NLGN4X: variants seen among roughly 807,000 people sequenced by gnomAD.
The protein encoded by NLGN4X is neuroligin 4 X-linked, also known as neuroligin-4, X-linked.
A neutral mutation model predicts 40.3 loss-of-function variants in NLGN4X; 3 were observed. The ratio of observed to expected loss-of-function variants is 0.07; its 90% CI spans 0.03 to 0.19. The LOEUF (loss-of-function observed/expected upper bound fraction) is 0.19. NLGN4X is among the 10% of genes least tolerant of loss of function. The pLI is 1.00. For synonymous variants in NLGN4X, 270 were observed against 306.8 expected (o/e 0.88, Z 1.25); for missense variants, 382 against 708.3 (o/e 0.54, Z 5.23).
At chrX:5,976,845 T>A (rs192400036) in intron 3 of NLGN4X, among the ~76,000 whole-genome samples, 162 of 113,102 alleles carry the variant, frequency 1.4e-3, no homozygotes, top group Non-Finnish European at 2.5e-3. Context: ...GTTCACATTG[T>A]GCGTACTTCT....
intron 1 of NLGN4X, among the ~76,000 whole-genome samples, chrX:6,181,910 G>C (rs764129770): frequency 1.8e-5 from 2 of 111,997 alleles, no homozygotes; most frequent in African/African-American, 6.5e-5. Flanking sequence ...AGAGAGGAAA[G>C]AGGGTTATCA....
At chrX:5,953,677 A>G (rs1392537088) in intron 3 of NLGN4X, among the ~76,000 whole-genome samples, 1 of 112,347 alleles carries the variant, frequency 8.9e-6, no homozygotes, top group East Asian at 2.8e-4. Context: ...ATTCAAAATC[A>G]AGAGCCTTCT....
chrX:6,200,751 A>G (rs1384769473), intron 1 of NLGN4X, among the ~76,000 whole-genome samples: 1 of 92,155 alleles, frequency 1.1e-5, no homozygotes, highest in East Asian at 3.3e-4. Context: ...CAATGGTGCA[A>G]TCCTAGCTCA....
intron 3 of NLGN4X, among the ~76,000 whole-genome samples, chrX:5,948,927 G>A (rs926531631): frequency 3.6e-5 from 4 of 111,664 alleles, no homozygotes; most frequent in Non-Finnish European, 7.5e-5. Context: ...CTCACATGGC[G>A]GTACTAATGG....
intron 3 of NLGN4X, among the ~76,000 whole-genome samples, chrX:5,920,562 AG>A (rs1456647928): frequency 1.8e-5 from 2 of 111,805 alleles, no homozygotes; most frequent in African/African-American, 6.5e-5. Context: ...AGGGTGCTTC[AG>A]GCTTTGGTGT....
At chrX:6,215,872 C>CAA (rs1450017601) in intron 1 of NLGN4X, among the ~76,000 whole-genome samples, 3 of 83,110 alleles carry the variant, frequency 3.6e-5, no homozygotes, top group African/African-American at 1.6e-4. Flanking sequence ...AGTAAATACT[C>CAA]AAACACTTTT....
intron 3 of NLGN4X, among the ~76,000 whole-genome samples, chrX:5,988,939 G>A (rs1335055443): frequency 1.4e-4 from 15 of 110,400 alleles, no homozygotes; most frequent in Non-Finnish European, 2.3e-4. Context: ...GTGGTGGCAC[G>A]TGCCTGTATT....
intron 2 of NLGN4X, among the ~76,000 whole-genome samples, chrX:6,071,954 C>T (rs1056408146): frequency 7.2e-5 from 8 of 110,925 alleles, no homozygotes; most frequent in Non-Finnish European, 1.5e-4. Context: ...CCCAGCCTGT[C>T]AGAGTGTGCA....
At chrX:5,961,116 C>A (rs779981588) in intron 3 of NLGN4X, among the ~76,000 whole-genome samples, 2 of 111,435 alleles carry the variant, frequency 1.8e-5, no homozygotes, top group South Asian at 7.5e-4. Context: ...CAAGCTCCGC[C>A]TTCCCGGGTT....
At chrX:6,128,237 T>C (rs1210399055) in intron 2 of NLGN4X, among the ~76,000 whole-genome samples, 1 of 111,723 alleles carries the variant, frequency 9.0e-6, no homozygotes, top group Non-Finnish European at 1.9e-5. Context: ...CACACACCCC[T>C]GGCAACATCT....
chrX:5,925,881 CATATATATATATAT>C (rs55860509), intron 3 of NLGN4X, among the ~76,000 whole-genome samples: 36 of 19,505 alleles, frequency 1.8e-3, no homozygotes, highest in South Asian at 5.2e-3. Context: ...TACATACACA[CATATATATATATAT>C]ATATATATAT....
rs1438629665 is a variant in NLGN4X, at chrX:5,891,774, G to C, written c.*1043C>G. On this transcript the variant is annotated 3_prime_UTR_variant, in exon 6 of 6. Coordinates refer to ENST00000381095, the MANE Select transcript of NLGN4X (RefSeq NM_181332.3). The stretch of plus-strand genomic sequence containing the variant: ...CACTCCACTTTGGGGACCCATCTCT[G>C]TACTGCAATTTCATGAAGGCTAACA... 1 of 159,330 alleles carries C rather than the reference G, an allele frequency of 6.3e-6. No homozygotes were observed. The highest frequency in any genetic ancestry group is 7.7e-5 in the Admixed American group (1 of 12,911). The allele number at this position is 159,330 out of a possible 1,213,427, so 13.1% of individuals were successfully genotyped here.
intron 2 of NLGN4X, among the ~76,000 whole-genome samples, chrX:6,034,352 G>T (rs1485471007): frequency 8.9e-6 from 1 of 112,064 alleles, no homozygotes; most frequent in African/African-American, 3.2e-5. Flanking sequence ...ATTTTCCATT[G>T]TATGGGTATA....
At chrX:6,101,814 CTT>C (rs563023754) in intron 2 of NLGN4X, among the ~76,000 whole-genome samples, 2 of 98,738 alleles carry the variant, frequency 2.0e-5, no homozygotes. Context: ...TTTAATTGTA[CTT>C]TTTTTTTTTT....
intron 2 of NLGN4X, among the ~76,000 whole-genome samples, chrX:6,042,912 C>T (rs769821712): frequency 9.7e-6 from 1 of 103,480 alleles, no homozygotes; most frequent in South Asian, 4.5e-4. Context: ...CCCATCTTTA[C>T]TAAAAATACA....
intron 1 of NLGN4X, among the ~76,000 whole-genome samples, chrX:6,172,063 C>T (rs187878315): frequency 0.073 from 8,146 of 111,497 alleles, 233 homozygotes; most frequent in South Asian, 0.15. Flanking sequence ...CCCCAGGAGC[C>T]GCCATGCTTC....
At chrX:5,958,432 T>C (rs1242717384) in intron 3 of NLGN4X, among the ~76,000 whole-genome samples, 3 of 111,509 alleles carry the variant, frequency 2.7e-5, no homozygotes, top group Non-Finnish European at 3.8e-5. Flanking sequence ...TCCTTAATAC[T>C]ATATACTCAC....
rs763117555 is a variant in NLGN4X, at chrX:6,058,951, G to A, written c.473-29519C>T. 2.7e-4 allele frequency among the ~76,000 whole-genome samples: 30 copies of A among 111,355 alleles called. No individual in the cohort carries two copies. In the East Asian group the frequency reaches 3.7e-3, roughly 14 times the overall value. On this transcript the variant is annotated intron_variant, in intron 2 of 5. Coordinates refer to ENST00000381095, the MANE Select transcript of NLGN4X (RefSeq NM_181332.3). ...ATAATCTCAAAGTACCTCACCTTTC[G>A]TCTACTGAAAGATGAATCACAAAAA...
At chrX:5,908,193 AGAG>A (rs1480961707) in intron 4 of NLGN4X, among the ~76,000 whole-genome samples, 2 of 107,388 alleles carry the variant, frequency 1.9e-5, no homozygotes, top group Non-Finnish European at 3.9e-5. Flanking sequence ...AGAGAGGGAA[AGAG>A]AAGAATGGGA....
Sources: gnomAD v4.1 joint callset for allele counts (sites outside exome capture counted in the v4.1 genomes callset) on GRCh38, gnomAD v4.1.1 for gene constraint, MANE v1.5 for transcripts, NCBI Gene and HGNC (gene_info 2026-07-23, HGNC 2026-07-21) for gene names.